HECW1: variants seen among roughly 807,000 people sequenced by gnomAD.
HECW1 encodes the protein E3 ubiquitin-protein ligase HECW1.
Under a neutral mutation model 182.3 loss-of-function variants are expected in HECW1, and 61 were observed. The ratio of observed to expected loss-of-function variants is 0.33; its 90% CI spans 0.27 to 0.41. HECW1 has a LOEUF of 0.41. HECW1 is among the 10% of genes least tolerant of loss of function. HECW1 has a pLI of 1.00. For missense variants in HECW1, 1,739 were observed against 2,108.9 expected (o/e 0.82, Z 3.44); for synonymous variants, 859 against 832.6 (o/e 1.03, Z -0.55).
chr7:43,289,696 A>G (rs1304640127), intron 3 of HECW1, among the ~76,000 whole-genome samples: 2 of 152,268 alleles, frequency 1.3e-5, no homozygotes, highest in African/African-American at 4.8e-5. Context: ...CTGAGCCAAT[A>G]TAAGTGACCA....
intron 3 of HECW1, among the ~76,000 whole-genome samples, chr7:43,304,459 GTTA>G (rs1209699447): frequency 9.9e-5 from 14 of 141,362 alleles, no homozygotes; most frequent in Non-Finnish European, 1.7e-4. Context: ...ATTCAACACA[GTTA>G]TTTATTTATT....
chr7:43,230,667 C>G lies in HECW1; in HGVS notation c.-31-13208C>G, dbSNP rs116475133. ...ATTTAGGAGTATGGGAGCATCCTGT[C>G]AACAGATTACTCTTGAATGGTTCAG... On this transcript the variant is annotated intron_variant, in intron 2 of 29. Transcript: ENST00000395891. Among the ~76,000 whole-genome samples, 935 of 152,170 alleles carry G rather than the reference C, an allele frequency of 6.1e-3. 6 individuals carry two copies. The highest frequency in any genetic ancestry group is 0.021 in the African/African-American group (869 of 41,514).
chr7:43,375,804 G>A (rs113105354), intron 6 of HECW1, among the ~76,000 whole-genome samples: 7 of 148,848 alleles, frequency 4.7e-5, no homozygotes, highest in African/African-American at 1.5e-4. Flanking sequence ...ATGGTGAGAG[G>A]ATTGCTTGAG....
intron 2 of HECW1, among the ~76,000 whole-genome samples, chr7:43,179,265 T>C (rs1792560195): frequency 6.6e-6 from 1 of 152,212 alleles, no homozygotes; most frequent in Non-Finnish European, 1.5e-5. Context: ...GTATTATTTG[T>C]GCGGCATCAA....
At chr7:43,305,029 C>T (rs1397723891) in intron 3 of HECW1, among the ~76,000 whole-genome samples, 2 of 152,234 alleles carry the variant, frequency 1.3e-5, no homozygotes, top group African/African-American at 4.8e-5. Context: ...AGAACAGTCA[C>T]TGAGTTCAGA....
intron 23 of HECW1, 116 bp downstream of exon 23, chr7:43,508,247 G>T (rs373957547): frequency 2.6e-5 from 16 of 615,926 alleles, no homozygotes; most frequent in African/African-American, 1.8e-4. Flanking sequence ...ACCCCAATGC[G>T]ATTCTGATCA....
rs1288179513 is a variant in HECW1, at chr7:43,432,280, C to T, written c.802-5723C>T. On this transcript the variant is annotated intron_variant, in intron 8 of 29. Transcript: ENST00000395891. The surrounding 1 kb of genome is among the most constrained non-coding windows in gnomAD (Gnocchi z 4.1). ...TCAGCCTCCCAAGTAGCTGGGACTA[C>T]AGGCGCCCGCCACTACACCCGGCTA... 6.6e-6 allele frequency among the ~76,000 whole-genome samples: 1 copy of T among 150,808 alleles called. No homozygotes were observed. Among genetic ancestry groups the T allele is most frequent in the Non-Finnish European group, 1.5e-5 (1 of 67,172 alleles).
At chr7:43,166,956 C>T (rs1791188611) in intron 2 of HECW1, among the ~76,000 whole-genome samples, 1 of 152,234 alleles carries the variant, frequency 6.6e-6, no homozygotes. Context: ...CTTCACCTCT[C>T]AGGCTGTAGG....
chr7:43,188,500 C>T (rs1190612651), intron 2 of HECW1, among the ~76,000 whole-genome samples: 2 of 152,178 alleles, frequency 1.3e-5, no homozygotes, highest in African/African-American at 4.8e-5. Flanking sequence ...TAACCTAGGG[C>T]TGTACCCTCT....
intron 17 of HECW1, among the ~76,000 whole-genome samples, chr7:43,486,834 A>C (rs1465579139): frequency 6.6e-6 from 1 of 152,238 alleles, no homozygotes; most frequent in Non-Finnish European, 1.5e-5. Context: ...AGGTACACAT[A>C]AAAATAAAGA....
chr7:43,318,023 C>T (rs1309228494), intron 4 of HECW1, among the ~76,000 whole-genome samples: 5 of 152,150 alleles, frequency 3.3e-5, no homozygotes, highest in African/African-American at 4.8e-5. Context: ...TCCCTGAGAA[C>T]ATAGACCGTG....
chr7:43,435,464 A>G (rs996268179), intron 8 of HECW1, among the ~76,000 whole-genome samples: 2 of 152,216 alleles, frequency 1.3e-5, no homozygotes, highest in African/African-American at 4.8e-5. Flanking sequence ...AAACTGATTT[A>G]TAATAGCAAT....
chr7:43,123,268 C>T (rs1056813824), intron 2 of HECW1, among the ~76,000 whole-genome samples: 4 of 152,194 alleles, frequency 2.6e-5, no homozygotes, highest in African/African-American at 9.7e-5. Flanking sequence ...GAGCTACTCA[C>T]AGTTCGGTCA....
At chr7:43,429,438 G>A (rs2076474659) in intron 8 of HECW1, among the ~76,000 whole-genome samples, 1 of 151,040 alleles carries the variant, frequency 6.6e-6, no homozygotes, top group South Asian at 2.1e-4. Flanking sequence ...TACTGGGAGG[G>A]GCAGATCTTC....
At chr7:43,287,066 T>C (rs1804737751) in intron 3 of HECW1, among the ~76,000 whole-genome samples, 2 of 152,060 alleles carry the variant, frequency 1.3e-5, no homozygotes, top group Non-Finnish European at 2.9e-5. Context: ...AGGTACGTAG[T>C]AGTGAACGTA....
rs78531406 is a variant in HECW1 at position 43,288,049 on chromosome 7, C to T, written c.28-23714C>T. On this transcript the variant is annotated intron_variant, in intron 3 of 29. Coordinates refer to ENST00000395891, the MANE Select transcript of HECW1 (RefSeq NM_015052.5). Reference sequence around the variant, plus strand: ...AGAGATAGTTGAGGAAAGCAACCCACCAGCACTCATTGTTAGATTTTCTGT... The same window carrying T: ...AGAGATAGTTGAGGAAAGCAACCCATCAGCACTCATTGTTAGATTTTCTGT... Among the ~76,000 whole-genome samples the T allele has an allele frequency of 2.0e-3, 308 of 152,278 alleles. 6 individuals carry two copies. In the East Asian group the frequency reaches 0.032, roughly 16 times the overall value.
chr7:43,352,242 A>G (rs1429117493), intron 5 of HECW1, among the ~76,000 whole-genome samples: 1 of 152,230 alleles, frequency 6.6e-6, no homozygotes, highest in Non-Finnish European at 1.5e-5. Context: ...CTTTCAGGAC[A>G]TCTAATTAAA....
intron 29 of HECW1, among the ~76,000 whole-genome samples, chr7:43,557,367 C>T (rs1339064209): frequency 2.6e-5 from 4 of 152,240 alleles, no homozygotes; most frequent in Non-Finnish European, 4.4e-5. Flanking sequence ...GACACCGCCA[C>T]AGCAAAACCC....
intron 17 of HECW1, among the ~76,000 whole-genome samples, chr7:43,486,179 C>G (rs1452011115): frequency 6.6e-6 from 1 of 152,140 alleles, no homozygotes; most frequent in African/African-American, 2.4e-5. Context: ...CATCCATGTC[C>G]CTGCCAAGGA....
Sources: gnomAD v4.1 joint callset for allele counts (sites outside exome capture counted in the v4.1 genomes callset) on GRCh38, gnomAD v4.1.1 for gene constraint, Gnocchi (gnomAD v3.1) non-coding constraint, MANE v1.5 for transcripts, NCBI Gene and HGNC (gene_info 2026-07-23, HGNC 2026-07-21) for gene names.